Variants in SLC24A2 observed in about 807,000 individuals in gnomAD.
SLC24A2 encodes the protein sodium/potassium/calcium exchanger 2.
In SLC24A2, 36 loss-of-function variants were observed where a neutral mutation model predicts 62.0. The ratio of observed to expected loss-of-function variants is 0.58; its 90% confidence interval spans 0.44 to 0.77. SLC24A2 has a LOEUF of 0.77. Among genes scored for constraint, SLC24A2 ranks in the 30% least tolerant of loss-of-function variants. The pLI is 0.00. For synonymous variants in SLC24A2, 358 were observed against 294.0 expected (o/e 1.22, Z -2.23); for missense variants, 846 against 817.9 (o/e 1.03, Z -0.42).
At chr9:19,946,769 A>G in the SLC24A2 span, among the ~76,000 whole-genome samples, 1 of 152,220 alleles carries the variant, frequency 6.6e-6, no homozygotes, top group African/African-American at 2.4e-5. Context: ...AAAGAAAACA[A>G]CACACACACA....
At chr9:20,202,957 T>G in the SLC24A2 span, among the ~76,000 whole-genome samples, 2 of 152,192 alleles carry the variant, frequency 1.3e-5, no homozygotes, top group Non-Finnish European at 2.9e-5. Context: ...TTTAATGCAT[T>G]GGAGTAAAGT....
At chr9:19,571,908 CCAT>C (rs143137102) in intron 7 of SLC24A2, among the ~76,000 whole-genome samples, 5,162 of 152,090 alleles carry the variant, frequency 0.034, 326 homozygotes, top group East Asian at 0.3. Context: ...CTCAGCTCTA[CCAT>C]CTACAAACTA....
At chr9:19,951,565 T>A in the SLC24A2 span, among the ~76,000 whole-genome samples, 82 of 152,192 alleles carry the variant, frequency 5.4e-4, 3 homozygotes, top group South Asian at 0.016. Flanking sequence ...AGATTTATTT[T>A]TTTTTTCTAT....
At chr9:19,768,502 G>A in intron 2 of SLC24A2, among the ~76,000 whole-genome samples, 1 of 152,044 alleles carries the variant, frequency 6.6e-6, no homozygotes, top group Non-Finnish European at 1.5e-5. Flanking sequence ...AACCTCAAAT[G>A]GTACTGAACC....
At chr9:19,647,029 T>C (rs1818655381) in intron 2 of SLC24A2, among the ~76,000 whole-genome samples, 1 of 149,114 alleles carries the variant, frequency 6.7e-6, no homozygotes. Flanking sequence ...TAAAATTAAT[T>C]TCCTTTCTCT....
chr9:19,780,108 C>T (rs899866931), intron 2 of SLC24A2, among the ~76,000 whole-genome samples: 1 of 152,092 alleles, frequency 6.6e-6, no homozygotes, highest in African/African-American at 2.4e-5. Context: ...ACAAAAAACA[C>T]ATCAAGGTAG....
At chr9:19,787,500 G>A (rs1286098202) in intron 1 of SLC24A2, among the ~76,000 whole-genome samples, 1 of 152,116 alleles carries the variant, frequency 6.6e-6, no homozygotes, top group Non-Finnish European at 1.5e-5. Flanking sequence ...CTCAGTTGTA[G>A]GCAACTTTTT....
the SLC24A2 span, among the ~76,000 whole-genome samples, chr9:19,853,285 T>G: frequency 6.6e-6 from 1 of 152,188 alleles, no homozygotes; most frequent in African/African-American, 2.4e-5. Context: ...TCTTCTTATT[T>G]GAATACCCTT....
the SLC24A2 span, among the ~76,000 whole-genome samples, chr9:20,213,955 T>G: frequency 2.0e-5 from 3 of 152,244 alleles, no homozygotes; most frequent in Non-Finnish European, 2.9e-5. Context: ...AGCGGCATCA[T>G]GCAGTATTTG....
At chr9:20,144,020 G>A in the SLC24A2 span, among the ~76,000 whole-genome samples, 3 of 152,210 alleles carry the variant, frequency 2.0e-5, no homozygotes, top group African/African-American at 4.8e-5. Context: ...CAGGGGTAAG[G>A]TTTCCTATAT....
the SLC24A2 span, among the ~76,000 whole-genome samples, chr9:20,197,752 C>T: frequency 2.6e-5 from 4 of 151,990 alleles, no homozygotes; most frequent in East Asian, 1.9e-4. Context: ...TTTTTCATAT[C>T]GACAATAACA....
chr9:19,966,071 A>G, the SLC24A2 span, among the ~76,000 whole-genome samples: 1 of 152,310 alleles, frequency 6.6e-6, no homozygotes, highest in South Asian at 2.1e-4. Flanking sequence ...CAACAGATGC[A>G]TAATTTACCG....
the SLC24A2 span, among the ~76,000 whole-genome samples, chr9:19,834,241 C>A: frequency 6.6e-6 from 1 of 152,208 alleles, no homozygotes; most frequent in East Asian, 1.9e-4. Flanking sequence ...CTTTGACAAG[C>A]TGAGAGAAGA....
chr9:19,539,024 T>C (rs1248997348), intron 8 of SLC24A2, among the ~76,000 whole-genome samples: 2 of 110,160 alleles, frequency 1.8e-5, no homozygotes, highest in Admixed American at 9.8e-5. Flanking sequence ...GATGGTAGTT[T>C]GTATTTCTGT....
chr9:20,302,290 T>C, the SLC24A2 span, among the ~76,000 whole-genome samples: 5 of 152,220 alleles, frequency 3.3e-5, no homozygotes, highest in Admixed American at 1.3e-4. Flanking sequence ...TTTAGTTTTG[T>C]AAGAAACTGG....
intron 2 of SLC24A2, among the ~76,000 whole-genome samples, chr9:19,709,724 G>A (rs948797199): frequency 3.6e-5 from 5 of 140,130 alleles, no homozygotes; most frequent in African/African-American, 1.3e-4. Flanking sequence ...ACACAGGAAG[G>A]GGAAATCACA....
chr9:19,887,781 G>A, the SLC24A2 span, among the ~76,000 whole-genome samples: 1 of 152,274 alleles, frequency 6.6e-6, no homozygotes, highest in East Asian at 1.9e-4. Context: ...ATCAACAAAT[G>A]AGTGGATAAA....
intron 2 of SLC24A2, among the ~76,000 whole-genome samples, chr9:19,757,022 G>C (rs1370802518): frequency 1.4e-5 from 2 of 143,584 alleles, no homozygotes; most frequent in African/African-American, 2.6e-5. Flanking sequence ...CAATCTTCCT[G>C]ACTCAGCCTC....
chr9:20,102,808 C>G, the SLC24A2 span, among the ~76,000 whole-genome samples: 3 of 152,126 alleles, frequency 2.0e-5, no homozygotes, highest in Admixed American at 6.5e-5. Context: ...ATCTCAGGTA[C>G]TGAGTTCATC....
Sources: gnomAD v4.1 joint callset for allele counts (sites outside exome capture counted in the v4.1 genomes callset) on GRCh38, gnomAD v4.1.1 for gene constraint, MANE v1.5 for transcripts, NCBI Gene and HGNC (gene_info 2026-07-23, HGNC 2026-07-21) for gene names.